Variants in NIPA2 observed in about 807,000 individuals in gnomAD.
NIPA2 encodes magnesium transporter NIPA2.
NIPA2 carries 11 observed loss-of-function variants against 29.7 expected under a neutral mutation model. The ratio of observed to expected loss-of-function variants is 0.37; its 90% CI spans 0.23 to 0.61. The LOEUF is 0.61. NIPA2 is among the 20% of genes least tolerant of loss of function. NIPA2 has a pLI of 0.66. For missense variants in NIPA2, 426 were observed against 437.9 expected (o/e 0.97, Z 0.24); for synonymous variants, 183 against 161.9 (o/e 1.13, Z -0.99).
In NIPA2 at chr15:22,858,023, T is replaced by C. The variant is rs1354198871; in HGVS notation, c.197-517T>C. On this transcript the variant is annotated intron_variant, in intron 5 of 7. Coordinates refer to ENST00000337451, the MANE Select transcript of NIPA2 (RefSeq NM_030922.7). Reference sequence around the variant, plus strand: ...ATTTCTTCCGTTAGATTTACAGATATGTGTTGTTTCTAGAATGTTTCTAAT... The same window carrying C: ...ATTTCTTCCGTTAGATTTACAGATACGTGTTGTTTCTAGAATGTTTCTAAT... 3.9e-5 allele frequency among the ~76,000 whole-genome samples: 6 copies of C among 152,156 alleles called. No homozygotes were observed. The East Asian group carries it at 9.6e-4, about 24-fold the overall frequency.
At chr15:22,847,006 C>T (rs559841293) in intron 3 of NIPA2, among the ~76,000 whole-genome samples, 11 of 151,050 alleles carry the variant, frequency 7.3e-5, no homozygotes, top group Admixed American at 4.0e-4. Flanking sequence ...CGGGTTCAAG[C>T]GATTCTCCTG....
At position 22,839,757 on chromosome 15, in the gene NIPA2, T is replaced by A. The variant is rs1896509622; in HGVS notation, c.-249T>A. The A allele has an allele frequency of 6.6e-6, 1 of 152,172 alleles. No individual in the cohort carries two copies. Among genetic ancestry groups the A allele is most frequent in the Non-Finnish European group, 1.5e-5 (1 of 68,046 alleles). 9.4% of individuals were successfully genotyped at this position (152,172 alleles called of 1,614,324 possible). A position where few individuals can be genotyped will look rare whatever the true frequency, so the allele number is the denominator to read the frequency against. ...AGTCATCTCTAACCTCTCCCAGCCT[T>A]TTTTTCATAAGAGAGACCATATTAA... On this transcript the variant is annotated 5_prime_UTR_variant, in exon 2 of 8. Coordinates refer to ENST00000337451, the MANE Select transcript of NIPA2 (RefSeq NM_030922.7).
rs1233226064 is a variant in NIPA2 at position 22,867,227 on chromosome 15, CTTTT to C, written c.*383_*386del. 2.5e-6 allele frequency: 1 copy of C among 404,500 alleles called. No homozygotes were observed. Among genetic ancestry groups the C allele is most frequent in the Non-Finnish European group, 4.3e-6 (1 of 230,008 alleles). The allele number at this position is 404,500 out of a possible 1,614,324, so 25.1% of individuals were successfully genotyped here. On this transcript the variant is annotated 3_prime_UTR_variant, in exon 8 of 8. Transcript: ENST00000337451. ...TCCATCAATCCCTGACCATGTAAGG[CTTTT>C]TTATTTTAAAAAAACAGAGTTATCC...
intron 5 of NIPA2, 106 bp downstream of exon 5, chr15:22,853,374 C>CTTTTT: frequency 2.6e-6 from 1 of 379,452 alleles, no homozygotes; most frequent in Non-Finnish European, 4.6e-6. Context: ...TTTAAATAAT[C>CTTTTT]TTTTTTTTTT....
intron 6 of NIPA2, among the ~76,000 whole-genome samples, chr15:22,859,947 C>T (rs1372817109): frequency 6.6e-6 from 1 of 151,272 alleles, no homozygotes; most frequent in Non-Finnish European, 1.5e-5. Flanking sequence ...ATACAATTAA[C>T]AACATAAGAG....
At chr15:22,843,002 CAAA>C (rs60054939) in intron 2 of NIPA2, among the ~76,000 whole-genome samples, 3 of 107,294 alleles carry the variant, frequency 2.8e-5, no homozygotes, top group Non-Finnish European at 2.0e-5. Context: ...GACTCTGTCT[CAAA>C]AAAAAAAAAA....
chr15:22,849,528 T>G (rs1198814986), intron 3 of NIPA2, among the ~76,000 whole-genome samples: 1 of 151,920 alleles, frequency 6.6e-6, no homozygotes, highest in Non-Finnish European at 1.5e-5. Context: ...ACTCAGCACC[T>G]TTTTGACTTG....
intron 2 of NIPA2, among the ~76,000 whole-genome samples, chr15:22,843,929 C>T (rs756713119): frequency 2.7e-4 from 41 of 152,282 alleles, no homozygotes; most frequent in South Asian, 6.2e-4. Flanking sequence ...AACTCCTGGC[C>T]TCAGGTGATC....
At chr15:22,865,365 A>G (rs958089543) in intron 7 of NIPA2, among the ~76,000 whole-genome samples, 1 of 151,938 alleles carries the variant, frequency 6.6e-6, no homozygotes, top group Non-Finnish European at 1.5e-5. Flanking sequence ...GGGCACCTGT[A>G]GTCCCAGCTA....
intron 7 of NIPA2, among the ~76,000 whole-genome samples, chr15:22,862,240 G>T (rs1212272546): frequency 6.6e-6 from 1 of 151,432 alleles, no homozygotes; most frequent in Non-Finnish European, 1.5e-5. Flanking sequence ...TAGAGACAGG[G>T]TTTCACCAGG....
chr15:22,857,509 G>C (rs540656581), intron 5 of NIPA2, among the ~76,000 whole-genome samples: 2 of 150,926 alleles, frequency 1.3e-5, no homozygotes, highest in Non-Finnish European at 2.9e-5. Context: ...CCTGATTCTA[G>C]AACAGGACCT....
At chr15:22,864,833 G>A (rs989633714) in intron 7 of NIPA2, among the ~76,000 whole-genome samples, 1 of 151,098 alleles carries the variant, frequency 6.6e-6, no homozygotes, top group Non-Finnish European at 1.5e-5. Flanking sequence ...GTTAGCCTTT[G>A]CTTTCTGACT....
chr15:22,841,807 G>T (rs1333835045), intron 2 of NIPA2, among the ~76,000 whole-genome samples: 1 of 151,902 alleles, frequency 6.6e-6, no homozygotes, highest in Non-Finnish European at 1.5e-5. Context: ...GCGCCCGGCC[G>T]GACACTCGCT....
At chr15:22,863,406 A>G (rs1315370623) in intron 7 of NIPA2, among the ~76,000 whole-genome samples, 1 of 152,050 alleles carries the variant, frequency 6.6e-6, no homozygotes, top group Middle Eastern at 3.2e-3. Flanking sequence ...ATTCTTATTC[A>G]TAGCCCTTTG....
At chr15:22,846,143 A>G (rs1052641938) in intron 3 of NIPA2, among the ~76,000 whole-genome samples, 2 of 152,186 alleles carry the variant, frequency 1.3e-5, no homozygotes, top group Non-Finnish European at 2.9e-5. Flanking sequence ...AGAACGGAGA[A>G]CCAGGGGCTG....
intron 7 of NIPA2, among the ~76,000 whole-genome samples, chr15:22,865,752 C>T (rs1208795338): frequency 6.6e-6 from 1 of 152,072 alleles, no homozygotes. Context: ...AGTTGACTTG[C>T]TCGTTACTCC....
Position 22,845,134 on chromosome 15 carries a change from T to C in NIPA2, c.-215-12T>C, listed in dbSNP as rs1313612897. 1.3e-5 allele frequency: 2 copies of C among 152,202 alleles called. No homozygotes were observed. Among genetic ancestry groups the C allele is most frequent in the African/African-American group, 2.4e-5 (1 of 41,444 alleles). The allele number at this position is 152,202 out of a possible 1,614,324, so 9.4% of individuals were successfully genotyped here. On this transcript the variant is annotated splice_polypyrimidine_tract_variant and intron_variant, in intron 2 of 7. Coordinates refer to ENST00000337451, the MANE Select transcript of NIPA2 (RefSeq NM_030922.7). ...GGCTAATTCTTAAGAAGAAAAAATATCTCTGTTGCAGGCTCTCCCGGCTGT... is the reference window on the plus strand; with the variant it reads ...GGCTAATTCTTAAGAAGAAAAAATACCTCTGTTGCAGGCTCTCCCGGCTGT...
rs1434325142 is a variant in NIPA2, at chr15:22,867,299, C to T, written c.*452C>T. 2 of 398,136 alleles carry T rather than the reference C, an allele frequency of 5.0e-6. No individual in the cohort carries two copies. Among genetic ancestry groups the T allele is most frequent in the Admixed American group, 4.4e-5 (1 of 22,696 alleles). 24.7% of individuals were successfully genotyped at this position (398,136 alleles called of 1,614,324 possible). A position where few individuals can be genotyped will look rare whatever the true frequency, so the allele number is the denominator to read the frequency against. On this transcript the variant is annotated 3_prime_UTR_variant, in exon 8 of 8. Transcript: ENST00000337451. ...ATTTACCTTACCTACAAAAGTGGCTCCTGTTTGTTTGATGATGATTGGTTT... is the reference window on the plus strand; with the variant it reads ...ATTTACCTTACCTACAAAAGTGGCTTCTGTTTGTTTGATGATGATTGGTTT...
intron 3 of NIPA2, 105 bp downstream of exon 3, chr15:22,845,372 A>T (rs923423502): frequency 6.6e-6 from 1 of 152,126 alleles, no homozygotes; most frequent in South Asian, 2.1e-4. Context: ...CCCTCCACAC[A>T]TACACCCTGG....
Sources: allele counts gnomAD v4.1 joint callset (sites outside exome capture counted in the v4.1 genomes callset), GRCh38; gene constraint gnomAD v4.1.1; transcripts MANE v1.5; gene names NCBI Gene and HGNC (gene_info 2026-07-23, HGNC 2026-07-21).